Variants in ERC2 observed in about 807,000 individuals in gnomAD.
The protein encoded by ERC2 is ELKS/RAB6-interacting/CAST family member 2.
Under a neutral mutation model 114.8 loss-of-function variants are expected in ERC2, and 42 were observed. The ratio of observed to expected loss-of-function variants is 0.37; its 90% confidence interval spans 0.29 to 0.47. The LOEUF is 0.47. ERC2 is among the 20% of genes least tolerant of loss of function. ERC2 has a pLI of 0.99. For missense variants in ERC2, 939 were observed against 1,150.7 expected, an observed-to-expected ratio of 0.82 and a Z score of 2.66; for synonymous variants, 454 against 425.5, an observed-to-expected ratio of 1.07 and a Z score of -0.82.
chr3:56,020,772 G>T (rs1320576296), intron 7 of ERC2, among the ~76,000 whole-genome samples: 1 of 152,182 alleles, frequency 6.6e-6, no homozygotes, highest in Non-Finnish European at 1.5e-5. Context: ...GGGCATAAGA[G>T]GAGGACATCA....
intron 14 of ERC2, among the ~76,000 whole-genome samples, chr3:55,873,700 C>T (rs2062694928): frequency 1.3e-5 from 2 of 152,180 alleles, no homozygotes; most frequent in South Asian, 4.1e-4. Flanking sequence ...AAACAGAAGG[C>T]AAGTCAGTCC....
At chr3:56,436,311 T>C (rs1052243241) in intron 1 of ERC2, among the ~76,000 whole-genome samples, 5 of 152,210 alleles carry the variant, frequency 3.3e-5, no homozygotes, top group African/African-American at 4.8e-5. Context: ...ATCTAACTCA[T>C]AGTATTGTAA....
At chr3:55,603,975 C>G (rs376829902) in intron 17 of ERC2, among the ~76,000 whole-genome samples, 11 of 151,932 alleles carry the variant, frequency 7.2e-5, no homozygotes, top group South Asian at 6.2e-4. Flanking sequence ...ATGATTTCAC[C>G]CCCCCCAGCA....
At chr3:55,658,929 G>A (rs2060997079) in intron 17 of ERC2, 1 of 152,678 alleles carries the variant, frequency 6.5e-6, no homozygotes, top group South Asian at 2.1e-4. Context: ...CAGTGCCTCA[G>A]GACACGTGGG....
chr3:56,412,053 T>G (rs2060961736), intron 2 of ERC2, among the ~76,000 whole-genome samples: 1 of 152,186 alleles, frequency 6.6e-6, no homozygotes, highest in South Asian at 2.1e-4. Flanking sequence ...CAGGATGAGA[T>G]CACCCTGGAT....
intron 2 of ERC2, among the ~76,000 whole-genome samples, chr3:56,347,147 A>C (rs974758685): frequency 4.6e-5 from 7 of 152,170 alleles, no homozygotes; most frequent in African/African-American, 1.7e-4. Context: ...GACCACAAGA[A>C]CCAAACTCTG....
chr3:56,406,622 T>C (rs765002314), intron 2 of ERC2, among the ~76,000 whole-genome samples: 20 of 152,354 alleles, frequency 1.3e-4, no homozygotes, highest in Non-Finnish European at 2.6e-4. Context: ...ATTTTCATTT[T>C]ACACTGAGTC....
intron 15 of ERC2, among the ~76,000 whole-genome samples, chr3:55,726,151 A>G (rs1245160905): frequency 6.6e-6 from 1 of 152,234 alleles, no homozygotes; most frequent in East Asian, 1.9e-4. Flanking sequence ...GGACACAAAC[A>G]GCTTAACCCA....
chr3:55,535,982 A>C (rs2053976862), intron 17 of ERC2, among the ~76,000 whole-genome samples: 1 of 152,186 alleles, frequency 6.6e-6, no homozygotes, highest in Non-Finnish European at 1.5e-5. Flanking sequence ...CTGGGCAACG[A>C]GAGCAAAACT....
At chr3:55,799,625 T>C (rs899949530) in intron 14 of ERC2, among the ~76,000 whole-genome samples, 6 of 151,862 alleles carry the variant, frequency 4.0e-5, no homozygotes, top group African/African-American at 1.5e-4. Flanking sequence ...GATACTTTCC[T>C]ATAGGAATGG....
intron 6 of ERC2, among the ~76,000 whole-genome samples, chr3:56,086,353 C>A (rs1282981398): frequency 6.6e-6 from 1 of 152,076 alleles, no homozygotes; most frequent in Non-Finnish European, 1.5e-5. Context: ...CCTGTGCCAG[C>A]TGAGGTCTTC....
chr3:55,537,257 C>A (rs2054056767), intron 17 of ERC2, among the ~76,000 whole-genome samples: 1 of 152,158 alleles, frequency 6.6e-6, no homozygotes, highest in African/African-American at 2.4e-5. Flanking sequence ...CTGCAAATGA[C>A]AAGTTTGCTG....
Position 55,986,004 on chromosome 3 carries a change from G to C in ERC2, c.2256-16C>G. 6.5e-7 allele frequency: 1 copy of C among 1,539,558 alleles called. No individual in the cohort carries two copies. The highest frequency in any genetic ancestry group is 8.7e-7 in the Non-Finnish European group (1 of 1,148,064). ...GAGAGTCAAGCTGATTGGAGCAAGG[G>C]TGAAAGCAGCAATTTGGAGGATAAG... On this transcript the variant is annotated splice_polypyrimidine_tract_variant and intron_variant, in intron 11 of 17. Transcript: ENST00000288221.
At chr3:55,875,706 AC>A (rs894473113) in intron 14 of ERC2, among the ~76,000 whole-genome samples, 5 of 146,250 alleles carry the variant, frequency 3.4e-5, no homozygotes, top group Non-Finnish European at 5.9e-5. Context: ...ACACACACAC[AC>A]ACACACACAC....
intron 4 of ERC2, among the ~76,000 whole-genome samples, chr3:56,163,638 T>C (rs527316057): frequency 1.3e-5 from 2 of 152,258 alleles, no homozygotes; most frequent in East Asian, 3.9e-4. Context: ...TTAACTGTTG[T>C]TGGTTTTAAA....
chr3:55,672,335 T>A (rs1253238852), intron 17 of ERC2, among the ~76,000 whole-genome samples: 2 of 129,772 alleles, frequency 1.5e-5, no homozygotes, highest in Admixed American at 7.8e-5. Context: ...GAGGACCCTA[T>A]CTCAAAAAAA....
rs143196743 is a variant in ERC2, at chr3:56,407,655, T to C, written c.657+26696A>G. 1.1e-4 allele frequency among the ~76,000 whole-genome samples: 16 copies of C among 152,244 alleles called. No individual in the cohort carries two copies. In the Middle Eastern group the frequency reaches 0.01, roughly 97 times the overall value. On this transcript the variant is annotated intron_variant, in intron 2 of 17. Coordinates refer to ENST00000288221, the MANE Select transcript of ERC2 (RefSeq NM_015576.3). ...AGGTGGAGGGGTGAGAGTCTGCATT[T>C]CTAACAAGCCAAGAGCAGTAATTTC...
In ERC2 at chr3:55,597,745, G is replaced by C. The variant is rs546310195; in HGVS notation, c.*39+86049C>G. Among the ~76,000 whole-genome samples, 13 of 152,276 alleles carry C rather than the reference G, an allele frequency of 8.5e-5. No individual in the cohort carries two copies. In the South Asian group the frequency reaches 2.5e-3, roughly 29 times the overall value. Reference sequence around the variant, plus strand: ...TGGAATGGAGCCTGGAACAGAGTAGGCATCAATGAACATGTGCTGATGAAA... The same window carrying C: ...TGGAATGGAGCCTGGAACAGAGTAGCCATCAATGAACATGTGCTGATGAAA... On this transcript the variant is annotated intron_variant, in intron 17 of 17. Coordinates refer to ENST00000288221, the MANE Select transcript of ERC2 (RefSeq NM_015576.3).
chr3:56,349,971 A>G (rs902858650), intron 2 of ERC2, among the ~76,000 whole-genome samples: 1 of 152,170 alleles, frequency 6.6e-6, no homozygotes, highest in Non-Finnish European at 1.5e-5. Flanking sequence ...TATTACCTGG[A>G]TGATGAAATA....
Sources: gnomAD v4.1 joint callset for allele counts (sites outside exome capture counted in the v4.1 genomes callset) on GRCh38, gnomAD v4.1.1 for gene constraint, MANE v1.5 for transcripts, NCBI Gene and HGNC (gene_info 2026-07-23, HGNC 2026-07-21) for gene names.